The following KALRN variants were observed in gnomAD, a reference collection of about 807,000 sequenced individuals.
KALRN encodes the protein kalirin RhoGEF kinase.
In KALRN, 70 loss-of-function variants were observed where a neutral mutation model predicts 353.7. That is an observed-to-expected ratio of 0.20 (90% CI 0.16 to 0.24). The LOEUF (loss-of-function observed/expected upper bound fraction) is 0.24, where lower values mean the gene tolerates loss of function less well. KALRN is among the 10% of genes least tolerant of loss of function. KALRN has a pLI of 1.00. For synonymous variants in KALRN, 1,391 were observed against 1,434.8 expected (o/e 0.97, Z 0.69); for missense variants, 2,791 against 3,756.7 (o/e 0.74, Z 6.72).
At chr3:124,214,512 G>A (rs955067292) in intron 1 of KALRN, among the ~76,000 whole-genome samples, 1 of 152,162 alleles carries the variant, frequency 6.6e-6, no homozygotes, top group Non-Finnish European at 1.5e-5. Context: ...CCTAGTCATG[G>A]CAAGGACTCC....
At chr3:124,608,393 A>C (rs775101474) in intron 34 of KALRN, among the ~76,000 whole-genome samples, 3 of 152,204 alleles carry the variant, frequency 2.0e-5, no homozygotes, top group Admixed American at 6.5e-5. Context: ...TAAATTTTTC[A>C]AGGGCCATGA....
intron 5 of KALRN, among the ~76,000 whole-genome samples, chr3:124,290,523 A>G (rs1352092916): frequency 6.6e-6 from 1 of 152,188 alleles, no homozygotes; most frequent in Non-Finnish European, 1.5e-5. Context: ...GAGAGACAGA[A>G]GGAAGCTCCG....
At chr3:124,190,762 A>G (rs2074809710) in intron 1 of KALRN, among the ~76,000 whole-genome samples, 1 of 152,238 alleles carries the variant, frequency 6.6e-6, no homozygotes, top group African/African-American at 2.4e-5. Flanking sequence ...CAACACAGAA[A>G]AAGGTGTGGG....
chr3:124,050,239 C>T (rs560211963), intron 1 of KALRN, among the ~76,000 whole-genome samples: 11 of 152,312 alleles, frequency 7.2e-5, no homozygotes, highest in Admixed American at 2.6e-4. Context: ...TTTGCCTATG[C>T]GGTCAAAGAC....
Position 124,529,874 on chromosome 3 carries a change from G to T in KALRN, c.4936-32969G>T, listed in dbSNP as rs116467141. Among the ~76,000 whole-genome samples, 1,009 of 151,730 alleles carry T rather than the reference G, an allele frequency of 6.6e-3. 15 individuals carry two copies. Among genetic ancestry groups the T allele is most frequent in the African/African-American group, 0.023 (953 of 41,414 alleles). The stretch of plus-strand genomic sequence containing the variant: ...GGGCACATGTCAAATAAAAAAGAAA[G>T]AAACAACTGCTATGAGAAGTCAGAT... On this transcript the variant is annotated intron_variant, in intron 33 of 59. Coordinates refer to ENST00000682506, the MANE Select transcript of KALRN (RefSeq NM_001388419.1).
Position 124,148,002 on chromosome 3 carries a change from G to A in KALRN, c.74-79988G>A, listed in dbSNP as rs2067583888. Reference sequence around the variant, plus strand: ...GGCCTTTAGTGAGGAAGAAGGGTGAGATTTGTCTGTCCCCTATTGCTCTAG... The same window carrying A: ...GGCCTTTAGTGAGGAAGAAGGGTGAAATTTGTCTGTCCCCTATTGCTCTAG... On this transcript the variant is annotated intron_variant, in intron 1 of 59. Coordinates refer to ENST00000682506, the MANE Select transcript of KALRN (RefSeq NM_001388419.1). Among the ~76,000 whole-genome samples the A allele has an allele frequency of 2.0e-5, 3 of 152,138 alleles. No homozygotes were observed. The South Asian group carries it at 6.2e-4, about 32-fold the overall frequency.
intron 57 of KALRN, among the ~76,000 whole-genome samples, chr3:124,707,451 T>C (rs533171294): frequency 4.4e-4 from 64 of 144,600 alleles, no homozygotes; most frequent in African/African-American, 1.6e-3. Context: ...CCTTCCCTCC[T>C]TCCTTCCTTC....
At chr3:124,229,743 T>C (rs2078954926) in intron 2 of KALRN, among the ~76,000 whole-genome samples, 1 of 152,206 alleles carries the variant, frequency 6.6e-6, no homozygotes, top group Non-Finnish European at 1.5e-5. Flanking sequence ...GCAATGGGAG[T>C]GTGCAGAAGA....
At chr3:124,445,424 A>T (rs1442657218) in intron 19 of KALRN, among the ~76,000 whole-genome samples, 2 of 152,252 alleles carry the variant, frequency 1.3e-5, no homozygotes, top group Non-Finnish European at 2.9e-5. Flanking sequence ...TCCTGAAACA[A>T]CAGAAAATTT....
intron 34 of KALRN, among the ~76,000 whole-genome samples, chr3:124,609,939 G>A (rs1221604864): frequency 6.6e-6 from 1 of 152,210 alleles, no homozygotes; most frequent in Non-Finnish European, 1.5e-5. Context: ...CTTGGCTTCT[G>A]TATTCATCCA....
chr3:124,169,859 A>G (rs757260845), intron 1 of KALRN, among the ~76,000 whole-genome samples: 3 of 152,140 alleles, frequency 2.0e-5, no homozygotes, highest in East Asian at 3.9e-4. Context: ...GAGTAGAACT[A>G]TGGAAATTAG....
At chr3:124,647,029 C>T (rs1303881191) in intron 37 of KALRN, among the ~76,000 whole-genome samples, 1 of 151,974 alleles carries the variant, frequency 6.6e-6, no homozygotes, top group African/African-American at 2.4e-5. Flanking sequence ...CATCATTGGT[C>T]TTAGAAGGTA....
intron 1 of KALRN, among the ~76,000 whole-genome samples, chr3:124,060,436 T>C (rs2041907648): frequency 6.6e-6 from 1 of 152,204 alleles, no homozygotes; most frequent in Admixed American, 6.5e-5. Flanking sequence ...CATGGTGTTT[T>C]CTATTTTTTA....
intron 1 of KALRN, among the ~76,000 whole-genome samples, chr3:124,057,734 A>T (rs868539551): frequency 6.6e-6 from 1 of 152,152 alleles, no homozygotes; most frequent in Admixed American, 6.5e-5. Flanking sequence ...TCTCTCTGGA[A>T]CAAGTCATCC....
chr3:124,426,481 A>T (rs2093027130), intron 15 of KALRN, among the ~76,000 whole-genome samples: 1 of 152,250 alleles, frequency 6.6e-6, no homozygotes, highest in Admixed American at 6.5e-5. Flanking sequence ...ATGGCCCATC[A>T]TAACCTTAAG....
chr3:124,593,777 A>G lies in KALRN; in HGVS notation c.5182+30688A>G, dbSNP rs901934578. Among the ~76,000 whole-genome samples, 12 of 152,226 alleles carry G rather than the reference A, an allele frequency of 7.9e-5. 1 individual carries two copies. Among genetic ancestry groups the G allele is most frequent in the African/African-American group, 2.4e-5 (1 of 41,464 alleles). On this transcript the variant is annotated intron_variant, in intron 34 of 59. Coordinates refer to ENST00000682506, the MANE Select transcript of KALRN (RefSeq NM_001388419.1). ...TGTCTTCCACGAGCTTAACAGCCCA[A>G]AGATCCAGTAAGGGAGGTTGTTGCA...
At chr3:124,381,828 G>A (rs1471856237) in intron 10 of KALRN, among the ~76,000 whole-genome samples, 1 of 152,194 alleles carries the variant, frequency 6.6e-6, no homozygotes, top group Non-Finnish European at 1.5e-5. Context: ...GGAGCTCACA[G>A]ACCAGTAGGG....
In KALRN at chr3:124,480,978, T is replaced by G. The variant is rs112099044; in HGVS notation, c.4192-1830T>G. Among the ~76,000 whole-genome samples, 852 of 152,310 alleles carry G rather than the reference T, an allele frequency of 5.6e-3. 6 individuals carry two copies. Among genetic ancestry groups the G allele is most frequent in the African/African-American group, 0.02 (824 of 41,568 alleles). On this transcript the variant is annotated intron_variant, in intron 27 of 59. Transcript: ENST00000682506. ...AATTCATGGATGTTTGGGTTTTTCA[T>G]GCATAGATATATATTTTTTATTTCT...
At chr3:124,243,505 T>A (rs1396238240) in intron 3 of KALRN, among the ~76,000 whole-genome samples, 1 of 152,190 alleles carries the variant, frequency 6.6e-6, no homozygotes, top group Non-Finnish European at 1.5e-5. Context: ...CACCCAGCAC[T>A]GGACAAAAGA....
Sources: gnomAD v4.1 joint callset for allele counts (sites outside exome capture counted in the v4.1 genomes callset) on GRCh38, gnomAD v4.1.1 for gene constraint, MANE v1.5 for transcripts, NCBI Gene and HGNC (gene_info 2026-07-23, HGNC 2026-07-21) for gene names.